The following AHI1 variants were observed in gnomAD, a reference collection of about 807,000 sequenced individuals.
AHI1 encodes the protein Abelson helper integration site 1.
A neutral mutation model predicts 149.3 loss-of-function variants in AHI1; 123 were observed. That is an observed-to-expected ratio of 0.82 (90% confidence interval 0.71 to 0.96). AHI1 has a LOEUF of 0.96. AHI1 is among the 40% of genes least tolerant of loss of function. The pLI is 0.00. For synonymous variants in AHI1, 475 were observed against 459.8 expected, an observed-to-expected ratio of 1.03 and a Z score of -0.42; for missense variants, 1,439 against 1,422.7, an observed-to-expected ratio of 1.01 and a Z score of -0.18.
chr6:135,493,232 C>T (rs767592999), intron 3 of AHI1, among the ~76,000 whole-genome samples: 1 of 152,182 alleles, frequency 6.6e-6, no homozygotes, highest in Non-Finnish European at 1.5e-5. Flanking sequence ...CTCCTGACCT[C>T]ATATGATCTG....
At chr6:135,402,664 T>C (rs1184008436) in intron 22 of AHI1, among the ~76,000 whole-genome samples, 2 of 152,152 alleles carry the variant, frequency 1.3e-5, no homozygotes, top group South Asian at 2.1e-4. Context: ...AACCCTCATT[T>C]TCCTCCTCAG....
intron 26 of AHI1, chr6:135,318,293 G>A (rs1786278001): frequency 2.3e-6 from 1 of 428,176 alleles, no homozygotes; most frequent in Non-Finnish European, 4.2e-6. Context: ...CCATCACTTA[G>A]GCTGTGACTT....
chr6:135,435,166 A>C (rs1785216799), intron 15 of AHI1: 1 of 152,146 alleles, frequency 6.6e-6, no homozygotes, highest in Non-Finnish European at 1.5e-5. Flanking sequence ...CCTCTTTCAA[A>C]ACTCTCCTTG....
intron 12 of AHI1, among the ~76,000 whole-genome samples, chr6:135,447,845 CCTA>C (rs1787484680): frequency 1.3e-5 from 2 of 152,162 alleles, no homozygotes; most frequent in Non-Finnish European, 2.9e-5. Flanking sequence ...CCAAATCTGG[CCTA>C]CTACCTGTTT....
intron 5 of AHI1, among the ~76,000 whole-genome samples, chr6:135,478,570 G>T (rs1180481087): frequency 6.6e-6 from 1 of 152,186 alleles, no homozygotes; most frequent in Non-Finnish European, 1.5e-5. Context: ...CATAAAGAAA[G>T]AAATGACTTG....
chr6:135,402,619 C>T (rs1186006600), intron 22 of AHI1, among the ~76,000 whole-genome samples: 1 of 152,046 alleles, frequency 6.6e-6, no homozygotes, highest in Non-Finnish European at 1.5e-5. Flanking sequence ...TTCTCCACCT[C>T]TTCTGCCTCT....
intron 2 of AHI1, among the ~76,000 whole-genome samples, 166 bp downstream of exon 2, chr6:135,497,022 A>C (rs556100014): frequency 2.0e-5 from 3 of 152,342 alleles, no homozygotes; most frequent in Admixed American, 2.0e-4. Flanking sequence ...CTCAAAAGAA[A>C]GGGGAAAGCT....
At chr6:135,462,996 G>T in intron 8 of AHI1, 129 bp downstream of exon 8, 1 of 689,188 alleles carries the variant, frequency 1.5e-6, no homozygotes, top group Non-Finnish European at 2.3e-6. Flanking sequence ...ATGAATTCAA[G>T]AACAAGTACC....
rs1196382324 is a variant in AHI1, at chr6:135,318,523, T to G, written c.3422A>C (p.Gln1141Pro). ...CGTATGCTCAAAAACATTTACCTTTTGAGGAGCTGGAGATTTTTCTATTTT... is the reference window on the plus strand; with the variant it reads ...CGTATGCTCAAAAACATTTACCTTTGGAGGAGCTGGAGATTTTTCTATTTT... Reference protein sequence around the residue: ...KTKIEKSPAPQKQSINKNKSQ... With the variant: ...KTKIEKSPAPPKQSINKNKSQ... Residue 1141 changes from glutamine to proline, a missense_variant, in exon 26 of 29, where the codon CAA becomes CCA. Coordinates refer to ENST00000265602, the MANE Select transcript of AHI1 (RefSeq NM_001134831.2). 1 of 1,579,768 alleles carries G rather than the reference T, an allele frequency of 6.3e-7. No individual in the cohort carries two copies. Among genetic ancestry groups the G allele is most frequent in the Non-Finnish European group, 8.6e-7 (1 of 1,159,428 alleles).
At chr6:135,371,007 A>G (rs1170523459) in intron 23 of AHI1, among the ~76,000 whole-genome samples, 1 of 151,414 alleles carries the variant, frequency 6.6e-6, no homozygotes, top group African/African-American at 2.5e-5. Context: ...ATACATACCA[A>G]TATCTCCTTG....
chr6:135,357,892 A>G (rs1562569493), intron 24 of AHI1, among the ~76,000 whole-genome samples: 1 of 152,202 alleles, frequency 6.6e-6, no homozygotes, highest in African/African-American at 2.4e-5. Flanking sequence ...TAATGATGCT[A>G]GTGCACAAAA....
intron 5 of AHI1, among the ~76,000 whole-genome samples, chr6:135,481,846 T>C (rs569265741): frequency 6.7e-6 from 1 of 150,306 alleles, no homozygotes; most frequent in South Asian, 2.1e-4. Flanking sequence ...ATAAAAACTT[T>C]TTGAGGACCG....
chr6:135,491,311 C>A (rs752799524), intron 4 of AHI1, among the ~76,000 whole-genome samples: 1 of 152,284 alleles, frequency 6.6e-6, no homozygotes, highest in Non-Finnish European at 1.5e-5. Flanking sequence ...ATCTCCAGGG[C>A]TTCAAATCAA....
intron 23 of AHI1, among the ~76,000 whole-genome samples, chr6:135,391,917 T>A (rs1164733275): frequency 6.6e-6 from 1 of 152,072 alleles, no homozygotes; most frequent in African/African-American, 2.4e-5. Context: ...CTCCTAGTTA[T>A]CTCTAAACAA....
intron 15 of AHI1, among the ~76,000 whole-genome samples, chr6:135,434,724 T>A (rs934059368): frequency 5.4e-4 from 82 of 151,580 alleles, no homozygotes; most frequent in Non-Finnish European, 1.3e-4. Flanking sequence ...TCAGACCAGA[T>A]CATAGAGAAC....
intron 6 of AHI1, among the ~76,000 whole-genome samples, 164 bp downstream of exon 6, chr6:135,467,417 C>G (rs1790947073): frequency 6.6e-6 from 1 of 151,862 alleles, no homozygotes; most frequent in African/African-American, 2.4e-5. Context: ...GCAAGAAAAC[C>G]CAACTGCTGA....
intron 24 of AHI1, among the ~76,000 whole-genome samples, chr6:135,340,674 T>TACAC (rs1374817475): frequency 7.5e-6 from 1 of 132,758 alleles, no homozygotes; most frequent in African/African-American, 2.9e-5. Context: ...TATATATATA[T>TACAC]ATATATATAT....
At chr6:135,494,901 G>A (rs112885366) in intron 3 of AHI1, among the ~76,000 whole-genome samples, 2,008 of 152,282 alleles carry the variant, frequency 0.013, 48 homozygotes, top group African/African-American at 0.046. Flanking sequence ...AAAGGGGCTG[G>A]AGGTTTTGAA....
Position 135,303,052 on chromosome 6 carries a change from G to A in AHI1, c.3427-2494C>T, listed in dbSNP as rs541238958. Among the ~76,000 whole-genome samples the A allele has an allele frequency of 1.2e-4, 18 of 152,152 alleles. 1 individual carries two copies. The highest frequency in any genetic ancestry group is 5.9e-4 in the Admixed American group (9 of 15,268). The stretch of plus-strand genomic sequence containing the variant: ...AAAGGACCAGAATCTAGAGACTTGC[G>A]CTTTCCAAACCCTCACAACTTGTTA... On this transcript the variant is annotated intron_variant, in intron 26 of 28. Coordinates refer to ENST00000265602, the MANE Select transcript of AHI1 (RefSeq NM_001134831.2).
Sources: gnomAD v4.1 joint callset for allele counts (sites outside exome capture counted in the v4.1 genomes callset) on GRCh38, gnomAD v4.1.1 for gene constraint, MANE v1.5 for transcripts, NCBI Gene and HGNC (gene_info 2026-07-23, HGNC 2026-07-21) for gene names.